Variants in PCDHA8 observed in about 807,000 individuals in gnomAD.
The protein encoded by PCDHA8 is protocadherin alpha 8.
In PCDHA8, 53 loss-of-function variants were observed where a neutral mutation model predicts 61.8. The ratio of observed to expected loss-of-function variants is 0.86; its 90% CI spans 0.69 to 1.08. The LOEUF is 1.08. Among genes scored for constraint, PCDHA8 ranks in the 50% least tolerant of loss-of-function variants. The pLI is 0.00. For synonymous variants in PCDHA8, 618 were observed against 556.6 expected (o/e 1.11, Z -1.55); for missense variants, 1,293 against 1,245.0 (o/e 1.04, Z -0.58).
chr5:140,859,697 G>T (rs1233998662), intron 1 of PCDHA8: 1 of 154,148 alleles, frequency 6.5e-6, no homozygotes, highest in Non-Finnish European at 1.4e-5. Flanking sequence ...TATTGTTCAA[G>T]TTTAGGAACA....
At chr5:140,910,213 G>C (rs1375224674) in intron 1 of PCDHA8, among the ~76,000 whole-genome samples, 1 of 152,170 alleles carries the variant, frequency 6.6e-6, no homozygotes, top group African/African-American at 2.4e-5. Flanking sequence ...TGACCTGGAA[G>C]TTTTCTGCTT....
intron 1 of PCDHA8, among the ~76,000 whole-genome samples, chr5:140,922,406 G>C (rs1411149387): frequency 9.8e-5 from 15 of 152,288 alleles, no homozygotes; most frequent in African/African-American, 3.6e-4. Flanking sequence ...GGATTAAAAA[G>C]ATCTAGGTAC....
chr5:140,896,465 C>A (rs967658819), intron 1 of PCDHA8, among the ~76,000 whole-genome samples: 2 of 151,988 alleles, frequency 1.3e-5, no homozygotes, highest in Non-Finnish European at 2.9e-5. Flanking sequence ...TGGGTTCAAG[C>A]GGTTCTCCTG....
chr5:140,936,037 C>A (rs2090734622), intron 1 of PCDHA8, among the ~76,000 whole-genome samples: 2 of 151,862 alleles, frequency 1.3e-5, no homozygotes, highest in Non-Finnish European at 1.5e-5. Flanking sequence ...GGATTACAGG[C>A]ACCCACCACC....
intron 1 of PCDHA8, among the ~76,000 whole-genome samples, chr5:140,845,922 T>A (rs782092112): frequency 6.7e-6 from 1 of 149,778 alleles, no homozygotes; most frequent in Non-Finnish European, 1.5e-5. Flanking sequence ...CTTATTTTTG[T>A]GTAAAACTAT....
intron 1 of PCDHA8, among the ~76,000 whole-genome samples, chr5:140,906,853 T>C (rs576448914): frequency 1.3e-5 from 2 of 152,170 alleles, no homozygotes; most frequent in Non-Finnish European, 2.9e-5. Flanking sequence ...AGAGTCTGGG[T>C]CAGTCACCCC....
At position 140,842,838 on chromosome 5, in the gene PCDHA8, G is replaced by A. The variant is rs1265674507; in HGVS notation, c.1517G>A (p.Ser506Asn). 6.3e-7 allele frequency: 1 copy of A among 1,593,906 alleles called. No homozygotes were observed. Among genetic ancestry groups the A allele is most frequent in the South Asian group, 1.1e-5 (1 of 90,422 alleles). Reference protein sequence around the residue: ...ERRVGERSLSSYISVHTESGK... With the variant: ...ERRVGERSLSNYISVHTESGK... ...CGGGTGGGCGAGCGCTCGCTGTCGAGCTACATTTCGGTGCACACGGAGAGC... is the reference window on the plus strand; with the variant it reads ...CGGGTGGGCGAGCGCTCGCTGTCGAACTACATTTCGGTGCACACGGAGAGC... Residue 506 changes from serine to asparagine, a missense_variant, in exon 1 of 4, where the codon AGC becomes AAC. Ser to Asn is a conservative substitution (Grantham distance 46). Transcript: ENST00000531613.
intron 1 of PCDHA8, chr5:140,926,588 C>A: frequency 3.4e-6 from 1 of 293,528 alleles, no homozygotes; most frequent in Admixed American, 5.0e-5. Context: ...CTCTCGCGCC[C>A]GGGCGGGCGG....
intron 1 of PCDHA8, among the ~76,000 whole-genome samples, chr5:140,936,528 T>C (rs2091012406): frequency 6.6e-6 from 1 of 152,244 alleles, no homozygotes; most frequent in Non-Finnish European, 1.5e-5. Flanking sequence ...TGAAATTGCT[T>C]TTGAATATAG....
Position 140,855,567 on chromosome 5 carries a change from G to A in PCDHA8, c.2394+11852G>A, listed in dbSNP as rs568752755. Among the ~76,000 whole-genome samples the A allele has an allele frequency of 4.8e-4, 72 of 149,884 alleles. 4 individuals carry two copies. In the South Asian group the frequency reaches 0.014, roughly 30 times the overall value. ...TCAGAACTTAAATGGAACTAAAGTT[G>A]TCATTTAATAAAATATTAGTATACT... On this transcript the variant is annotated intron_variant, in intron 1 of 3. Coordinates refer to ENST00000531613, the MANE Select transcript of PCDHA8 (RefSeq NM_018911.3).
At chr5:140,884,014 G>A (rs1582743653) in intron 1 of PCDHA8, 1 of 1,613,168 alleles carries the variant, frequency 6.2e-7, no homozygotes, top group Non-Finnish European at 8.5e-7. Context: ...AGCTGATGCC[G>A]CGGTCGGTGG....
At chr5:140,944,171 GT>G (rs1250322343) in intron 1 of PCDHA8, among the ~76,000 whole-genome samples, 1 of 152,008 alleles carries the variant, frequency 6.6e-6, no homozygotes, top group Non-Finnish European at 1.5e-5. Context: ...GCCAAGGCTG[GT>G]TTTTTGTTGG....
chr5:140,887,624 GT>G (rs1369272233), intron 1 of PCDHA8, among the ~76,000 whole-genome samples: 1 of 151,558 alleles, frequency 6.6e-6, no homozygotes, highest in Non-Finnish European at 1.5e-5. Flanking sequence ...TTTTCTTTAT[GT>G]TAGTCTGTTG....
At chr5:140,883,074 C>T (rs1554176634) in intron 1 of PCDHA8, 2 of 1,614,042 alleles carry the variant, frequency 1.2e-6, no homozygotes, top group Admixed American at 3.3e-5. Context: ...GCCACAGATC[C>T]TGATGATGGT....
chr5:140,978,836 A>G (rs891146888), intron 1 of PCDHA8, 113 bp from the exon 2 acceptor site: 1 of 1,552,522 alleles, frequency 6.4e-7, no homozygotes, highest in Non-Finnish European at 8.7e-7. Context: ...GGCTCATTCA[A>G]TACTTTTTTA....
chr5:140,948,017 T>TTTTCC (rs1351599974), intron 1 of PCDHA8, among the ~76,000 whole-genome samples: 1 of 151,262 alleles, frequency 6.6e-6, no homozygotes, highest in African/African-American at 2.4e-5. Flanking sequence ...GGAAGTACCC[T>TTTTCC]TTCTGGTTTG....
In PCDHA8 at chr5:140,857,751, C is replaced by T. The variant is rs2044861068; in HGVS notation, c.2394+14036C>T. The T allele has an allele frequency of 3.1e-6, 5 of 1,597,310 alleles. 1 individual carries two copies. Among genetic ancestry groups the T allele is most frequent in the East Asian group, 4.5e-5 (2 of 44,822 alleles). ...AACGCTCCCGCGCTGCTGGCGTCTCCCGCTGGCAGCGCGGGCGGTGCAGTC... is the reference window on the plus strand; with the variant it reads ...AACGCTCCCGCGCTGCTGGCGTCTCTCGCTGGCAGCGCGGGCGGTGCAGTC... On this transcript the variant is annotated intron_variant, in intron 1 of 3. Coordinates refer to ENST00000531613, the MANE Select transcript of PCDHA8 (RefSeq NM_018911.3).
chr5:140,888,421 G>T (rs1046155514), intron 1 of PCDHA8, among the ~76,000 whole-genome samples: 9 of 152,144 alleles, frequency 5.9e-5, no homozygotes. Context: ...ACATCCTACC[G>T]TGCACAGGAC....
At chr5:140,862,766 A>T (rs781899169) in intron 1 of PCDHA8, 1 of 576,266 alleles carries the variant, frequency 1.7e-6, no homozygotes, top group Non-Finnish European at 3.3e-6. Context: ...GGCAAGAGGT[A>T]CGCGTTGCAG....
Sources: allele counts gnomAD v4.1 joint callset (sites outside exome capture counted in the v4.1 genomes callset), GRCh38; gene constraint gnomAD v4.1.1; transcripts MANE v1.5; gene names NCBI Gene and HGNC (gene_info 2026-07-23, HGNC 2026-07-21).